Variants in ECHDC1 observed in about 807,000 individuals in gnomAD.
ECHDC1 encodes the protein ethylmalonyl-CoA decarboxylase.
In ECHDC1, 29 loss-of-function variants were observed where a neutral mutation model predicts 29.7. The observed-to-expected ratio is 0.98, with a 90% CI of 0.73 to 1.33. ECHDC1 has a LOEUF of 1.33. Ranked by LOEUF, ECHDC1 falls within the 40% of genes most tolerant of loss-of-function variation. The probability of loss-of-function intolerance (pLI) is 0.00; values close to 1 mark genes in which losing one functional copy is unlikely to be tolerated. For missense variants in ECHDC1, 328 were observed against 350.0 expected (o/e 0.94, Z 0.50); for synonymous variants, 126 against 123.1 (o/e 1.02, Z -0.15).
intron 2 of ECHDC1, among the ~76,000 whole-genome samples, chr6:127,327,752 C>T (rs1241713562): frequency 2.0e-5 from 3 of 152,156 alleles, no homozygotes; most frequent in South Asian, 2.1e-4. Context: ...GCCTACCAAC[C>T]ATTGATTCTA....
chr6:127,338,725 C>T (rs1275188662), intron 1 of ECHDC1, among the ~76,000 whole-genome samples: 3 of 152,076 alleles, frequency 2.0e-5, no homozygotes, highest in African/African-American at 7.2e-5. Flanking sequence ...TAGTGTTTCA[C>T]AGCTATATAT....
At chr6:127,310,110 G>A (rs999672957) in intron 5 of ECHDC1, among the ~76,000 whole-genome samples, 3 of 152,104 alleles carry the variant, frequency 2.0e-5, no homozygotes, top group Non-Finnish European at 4.4e-5. Flanking sequence ...GAGTTGGCAG[G>A]GGGATGGGGA....
intron 1 of ECHDC1, among the ~76,000 whole-genome samples, chr6:127,336,971 G>A (rs1323817412): frequency 6.6e-6 from 1 of 152,102 alleles, no homozygotes; most frequent in African/African-American, 2.4e-5. Flanking sequence ...CCACACTGAG[G>A]ACTAAGCTCT....
chr6:127,323,690 C>G (rs751184728), intron 3 of ECHDC1, among the ~76,000 whole-genome samples: 6 of 152,132 alleles, frequency 3.9e-5, no homozygotes, highest in African/African-American at 1.4e-4. Flanking sequence ...CCAAAAGATT[C>G]TTCCTCACAT....
chr6:127,318,728 T>C (rs191434453), intron 3 of ECHDC1, among the ~76,000 whole-genome samples: 10 of 152,318 alleles, frequency 6.6e-5, no homozygotes, highest in Admixed American at 5.9e-4. Flanking sequence ...GCTAGTAAAA[T>C]GTTTTGCACA....
In ECHDC1 at chr6:127,330,905, G is replaced by A. The variant is rs1562331571; in HGVS notation, c.124C>T (p.Gln42Ter). The change falls in exon 2 of 6, where the codon CAG (glutamine) becomes TAG (stop). Residue 42 changes from glutamine (Q) to a stop codon, truncating the protein, a stop_gained. Coordinates refer to ENST00000454859, the MANE Select transcript of ECHDC1 (RefSeq NM_001002030.2). LOFTEE classifies it high-confidence loss of function. The stretch of plus-strand genomic sequence containing the variant: ...TCAATGGATCCACCAGGAAACTGCT[G>A]AAGTGTTTTTTTCACTTCTTCCTCA... Reference protein sequence around the residue: ...FYEEEVKKTLQQFPGGSIDLQ... With the variant: ...FYEEEVKKTL The A allele has an allele frequency of 1.4e-5, 22 of 1,614,134 alleles. No individual in the cohort carries two copies. Among genetic ancestry groups the A allele is most frequent in the Non-Finnish European group, 1.9e-5 (22 of 1,180,008 alleles).
chr6:127,290,134 G>C lies in ECHDC1; in HGVS notation c.641C>G (p.Ser214Ter). The C allele has an allele frequency of 1.2e-6, 2 of 1,613,576 alleles. No homozygotes were observed. Among genetic ancestry groups the C allele is most frequent in the Non-Finnish European group, 8.5e-7 (1 of 1,179,726 alleles). ...KVLSGALKLD[S>*]KNALNIGMVE... is the part of the protein sequence containing the mutation. ...CATTCCTATGTTTAGAGCATTTTTT[G>C]AATCCAGTTTAAGGGCCCCACTCAA... The change falls in exon 6 of 6, where the codon TCA becomes TGA. Residue 214 changes from serine to a stop codon, truncating the protein, a stop_gained. Transcript: ENST00000454859. LOFTEE classifies it high-confidence loss of function.
At chr6:127,337,044 T>A (rs1784485300) in intron 1 of ECHDC1, among the ~76,000 whole-genome samples, 1 of 152,144 alleles carries the variant, frequency 6.6e-6, no homozygotes, top group South Asian at 2.1e-4. Context: ...CTACAAACCA[T>A]AAATTCTCAT....
chr6:127,290,250 T>C lies in ECHDC1; in HGVS notation c.525A>G (p.Arg175=). 1 of 1,613,406 alleles carries C rather than the reference T, an allele frequency of 6.2e-7. No homozygotes were observed. The highest frequency in any genetic ancestry group is 8.5e-7 in the Non-Finnish European group (1 of 1,179,622). Residue 175 remains arginine, a synonymous_variant, in exon 6 of 6, where the codon AGA becomes AGG. Coordinates refer to ENST00000454859, the MANE Select transcript of ECHDC1 (RefSeq NM_001002030.2). Reference sequence around the variant, plus strand: ...TTATGCCCATCTCTTTGTGGACGAATCTGATCTTACTCTCTGGAGTCATTA... The same window carrying C: ...TTATGCCCATCTCTTTGTGGACGAACCTGATCTTACTCTCTGGAGTCATTA... ...FRLMTPESKI[R]FVHKEMGIIP...
intron 2 of ECHDC1, among the ~76,000 whole-genome samples, chr6:127,330,461 G>C (rs1005655112): frequency 6.6e-6 from 1 of 152,112 alleles, no homozygotes; most frequent in African/African-American, 2.4e-5. Flanking sequence ...GGAACTCTTT[G>C]AAACCTCTTT....
At chr6:127,331,507 T>C (rs909145671) in intron 1 of ECHDC1, among the ~76,000 whole-genome samples, 24 of 152,136 alleles carry the variant, frequency 1.6e-4, no homozygotes, top group African/African-American at 5.8e-4. Context: ...CTTTCATTTT[T>C]CCCTCCTTCT....
chr6:127,296,185 T>C (rs1780578561), intron 5 of ECHDC1, among the ~76,000 whole-genome samples: 1 of 152,068 alleles, frequency 6.6e-6, no homozygotes, highest in African/African-American at 2.4e-5. Context: ...TGACTACTTT[T>C]GTGTGTGTGT....
At chr6:127,331,107 G>A (rs1191688014) in intron 1 of ECHDC1, 77 bp from the exon 2 acceptor site, 3 of 1,058,492 alleles carry the variant, frequency 2.8e-6, no homozygotes, top group African/African-American at 3.2e-5. Context: ...TTAATAGGCT[G>A]TAGTAATGGA....
intron 3 of ECHDC1, among the ~76,000 whole-genome samples, chr6:127,324,670 C>T (rs1783148456): frequency 6.6e-6 from 1 of 152,130 alleles, no homozygotes; most frequent in Non-Finnish European, 1.5e-5. Context: ...CTTGGAGTAT[C>T]TAATAATACT....
At chr6:127,319,019 A>G (rs1782623542) in intron 3 of ECHDC1, among the ~76,000 whole-genome samples, 1 of 152,214 alleles carries the variant, frequency 6.6e-6, no homozygotes, top group Non-Finnish European at 1.5e-5. Flanking sequence ...TAATATGCAT[A>G]TTTGCTCTTG....
chr6:127,293,401 C>T (rs1350507287), intron 5 of ECHDC1, among the ~76,000 whole-genome samples: 1 of 152,082 alleles, frequency 6.6e-6, no homozygotes, highest in Non-Finnish European at 1.5e-5. Context: ...GAAGTGCATA[C>T]ACTCAGAAGC....
intron 5 of ECHDC1, among the ~76,000 whole-genome samples, chr6:127,308,596 C>A (rs1302832400): frequency 6.6e-6 from 1 of 152,116 alleles, no homozygotes; most frequent in African/African-American, 2.4e-5. Flanking sequence ...ATCTACAACA[C>A]AACAAGGATG....
chr6:127,342,595 T>G (rs901875585), intron 1 of ECHDC1: 1 of 496,854 alleles, frequency 2.0e-6, no homozygotes, highest in Non-Finnish European at 3.6e-6. Context: ...AGGAGCCCTT[T>G]GTTTTCCTTG....
At chr6:127,341,297 A>G (rs372481362) in intron 1 of ECHDC1, among the ~76,000 whole-genome samples, 1 of 152,166 alleles carries the variant, frequency 6.6e-6, no homozygotes, top group African/African-American at 2.4e-5. Flanking sequence ...ATAATAGCCT[A>G]TTATGTACAC....
Sources: allele counts gnomAD v4.1 joint callset (sites outside exome capture counted in the v4.1 genomes callset), GRCh38; gene constraint gnomAD v4.1.1; transcripts MANE v1.5; gene names NCBI Gene and HGNC (gene_info 2026-07-23, HGNC 2026-07-21).